The following DSCAM variants were observed in gnomAD, a reference collection of about 807,000 sequenced individuals.
DSCAM encodes the protein DS cell adhesion molecule, also known as cell adhesion molecule DSCAM.
DSCAM carries 47 observed loss-of-function variants against 217.7 expected under a neutral mutation model. That is an observed-to-expected ratio of 0.22 (90% confidence interval 0.17 to 0.28). The LOEUF (loss-of-function observed/expected upper bound fraction) is 0.28, where lower values mean the gene tolerates loss of function less well. Among genes scored for constraint, DSCAM ranks in the 10% least tolerant of loss-of-function variants. DSCAM has a pLI of 1.00. For synonymous variants in DSCAM, 1,056 were observed against 1,015.3 expected (o/e 1.04, Z -0.76); for missense variants, 2,080 against 2,618.3 (o/e 0.79, Z 4.49).
intron 20 of DSCAM, among the ~76,000 whole-genome samples, chr21:40,108,021 A>G (rs979624394): frequency 6.6e-6 from 1 of 152,214 alleles, no homozygotes; most frequent in Non-Finnish European, 1.5e-5. Context: ...TCAAAGTATT[A>G]TGACCCATAT....
chr21:40,229,192 T>C (rs1389964964), intron 11 of DSCAM, among the ~76,000 whole-genome samples: 5 of 152,226 alleles, frequency 3.3e-5, no homozygotes, highest in Non-Finnish European at 5.9e-5. Flanking sequence ...GGTATAGTTC[T>C]TTTTGCCTTT....
At chr21:40,792,553 T>G (rs2091655504) in intron 1 of DSCAM, among the ~76,000 whole-genome samples, 1 of 152,202 alleles carries the variant, frequency 6.6e-6, no homozygotes, top group Non-Finnish European at 1.5e-5. Flanking sequence ...AGCTTCAGCA[T>G]ATGAATTCTG....
intron 1 of DSCAM, among the ~76,000 whole-genome samples, chr21:40,827,291 G>A (rs1286685646): frequency 6.6e-6 from 1 of 151,816 alleles, no homozygotes; most frequent in Non-Finnish European, 1.5e-5. Context: ...CACATAAAGA[G>A]ACCCCCATCT....
chr21:40,020,599 G>C (rs2088248259), intron 32 of DSCAM, among the ~76,000 whole-genome samples: 1 of 152,108 alleles, frequency 6.6e-6, no homozygotes, highest in African/African-American at 2.4e-5. Flanking sequence ...TACTGAAAGG[G>C]GAAGTTGAGG....
chr21:40,652,556 G>A (rs928600642), intron 3 of DSCAM, among the ~76,000 whole-genome samples: 1 of 152,142 alleles, frequency 6.6e-6, no homozygotes, highest in African/African-American at 2.4e-5. Context: ...ATCCACAGGA[G>A]GCACATCCAA....
At chr21:40,038,377 C>A (rs1337015544) in intron 32 of DSCAM, among the ~76,000 whole-genome samples, 2 of 42,050 alleles carry the variant, frequency 4.8e-5, no homozygotes, top group Non-Finnish European at 9.6e-5. Flanking sequence ...AGACACTTCT[C>A]AAAAGAAGAC....
At chr21:40,379,269 T>C (rs991877594) in intron 3 of DSCAM, among the ~76,000 whole-genome samples, 2 of 152,224 alleles carry the variant, frequency 1.3e-5, no homozygotes, top group African/African-American at 2.4e-5. Flanking sequence ...ATTAATGTGC[T>C]TCTTGGGTAG....
chr21:40,469,949 T>C (rs1412068266), intron 3 of DSCAM, among the ~76,000 whole-genome samples: 1 of 152,208 alleles, frequency 6.6e-6, no homozygotes, highest in East Asian at 1.9e-4. Context: ...TTTAGAATAA[T>C]GTAATCCCAT....
rs375587430 is a variant in DSCAM at position 40,640,731 on chromosome 21, A to G, written c.508+52079T>C. Among the ~76,000 whole-genome samples the G allele has an allele frequency of 1.1e-3, 162 of 152,222 alleles. 3 individuals are homozygous for G. Among genetic ancestry groups the G allele is most frequent in the African/African-American group, 3.6e-3 (151 of 41,546 alleles). On this transcript the variant is annotated intron_variant, in intron 3 of 32. Coordinates refer to ENST00000400454, the MANE Select transcript of DSCAM (RefSeq NM_001389.5). ...TCTGCATAGGGCTCAATCTGCCGTT[A>G]GTAATTTGGATAAGTATCCAAAGTT...
chr21:40,832,209 G>A (rs549864999), intron 1 of DSCAM, among the ~76,000 whole-genome samples: 6 of 152,258 alleles, frequency 3.9e-5, no homozygotes, highest in Admixed American at 6.5e-5. Flanking sequence ...CCTTCTTTAC[G>A]ATGGTCATAA....
chr21:40,483,969 CA>C (rs1170802626), intron 3 of DSCAM, among the ~76,000 whole-genome samples: 2 of 152,150 alleles, frequency 1.3e-5, no homozygotes, highest in Non-Finnish European at 2.9e-5. Context: ...GAGAGGTAAG[CA>C]ATTTTAATCC....
chr21:40,819,596 G>A (rs777021099), intron 1 of DSCAM, among the ~76,000 whole-genome samples: 3 of 152,170 alleles, frequency 2.0e-5, no homozygotes, highest in African/African-American at 4.8e-5. Flanking sequence ...GTCAACCAAC[G>A]AGATCATTGT....
At chr21:40,545,406 C>T (rs2076574075) in intron 3 of DSCAM, among the ~76,000 whole-genome samples, 1 of 152,172 alleles carries the variant, frequency 6.6e-6, no homozygotes, top group Admixed American at 6.5e-5. Context: ...ATAGGCAGCC[C>T]TGTAATATCC....
intron 32 of DSCAM, among the ~76,000 whole-genome samples, chr21:40,017,687 G>A (rs181622535): frequency 2.6e-5 from 4 of 152,162 alleles, no homozygotes; most frequent in South Asian, 2.1e-4. Context: ...GAGTAGCTGG[G>A]ATTACAGGCA....
chr21:40,832,360 G>A (rs1286979948), intron 1 of DSCAM, among the ~76,000 whole-genome samples: 3 of 152,114 alleles, frequency 2.0e-5, no homozygotes, highest in South Asian at 4.1e-4. Flanking sequence ...CAATACATAC[G>A]AGTTTCCTTT....
At position 40,324,125 on chromosome 21, in the gene DSCAM, A is replaced by G. The variant is rs1444515080; in HGVS notation, c.1784-11766T>C. ...TCTCAAAAAAAAAAAAAAAAAAAAAAAAAAAAGAAAAAAAAAAGAGAGAGA... is the reference window on the plus strand; with the variant it reads ...TCTCAAAAAAAAAAAAAAAAAAAAAGAAAAAAGAAAAAAAAAAGAGAGAGA... On this transcript the variant is annotated intron_variant, in intron 8 of 32. Coordinates refer to ENST00000400454, the MANE Select transcript of DSCAM (RefSeq NM_001389.5). Among the ~76,000 whole-genome samples the G allele has an allele frequency of 2.4e-3, 335 of 142,034 alleles. 2 individuals are homozygous for G. Among genetic ancestry groups the G allele is most frequent in the African/African-American group, 8.6e-3 (306 of 35,554 alleles). 93.2% of individuals were successfully genotyped at this position (142,034 alleles called of 152,430 possible).
At chr21:40,354,848 CAAAAAAAAAAAA>C (rs11314417) in intron 4 of DSCAM, among the ~76,000 whole-genome samples, 110 of 112,334 alleles carry the variant, frequency 9.8e-4, no homozygotes, top group Middle Eastern at 5.3e-3. Flanking sequence ...AACTCTGTCT[CAAAAAAAAAAAA>C]AAAAAAAAAA....
chr21:40,444,625 T>C (rs773135268), intron 3 of DSCAM, among the ~76,000 whole-genome samples: 2 of 152,220 alleles, frequency 1.3e-5, no homozygotes, highest in South Asian at 2.1e-4. Flanking sequence ...AACTGGGGCA[T>C]AGCATAAAAT....
At chr21:40,587,972 G>A (rs936360480) in intron 3 of DSCAM, among the ~76,000 whole-genome samples, 1 of 152,188 alleles carries the variant, frequency 6.6e-6, no homozygotes, top group Non-Finnish European at 1.5e-5. Flanking sequence ...ACAGTGCTAT[G>A]ACTTCATGCG....
Sources: gnomAD v4.1 joint callset for allele counts (sites outside exome capture counted in the v4.1 genomes callset) on GRCh38, gnomAD v4.1.1 for gene constraint, MANE v1.5 for transcripts, NCBI Gene and HGNC (gene_info 2026-07-23, HGNC 2026-07-21) for gene names.